Variants in DGKB observed in about 807,000 individuals in gnomAD.
DGKB encodes the protein 90 kDa diacylglycerol kinase.
DGKB carries 67 observed loss-of-function variants against 114.3 expected under a neutral mutation model. That is an observed-to-expected ratio of 0.59 (90% CI 0.48 to 0.72). The LOEUF is 0.72. Among genes scored for constraint, DGKB ranks in the 30% least tolerant of loss-of-function variants. The pLI, the probability that DGKB is intolerant of heterozygous loss-of-function variation, is 0.00. For missense variants in DGKB, 907 were observed against 975.2 expected, an observed-to-expected ratio of 0.93 and a Z score of 0.93; for synonymous variants, 398 against 323.1, an observed-to-expected ratio of 1.23 and a Z score of -2.49.
chr7:14,473,846 G>A (rs1017980712), intron 21 of DGKB, among the ~76,000 whole-genome samples: 1 of 152,170 alleles, frequency 6.6e-6, no homozygotes, highest in African/African-American at 2.4e-5. Context: ...TAGCCCCTTT[G>A]TTTTGGCCAA....
chr7:14,379,717 G>A (rs775438734), intron 21 of DGKB, among the ~76,000 whole-genome samples: 6 of 152,060 alleles, frequency 3.9e-5, no homozygotes, highest in African/African-American at 1.2e-4. Context: ...GTGCCACCAC[G>A]CCAGCTAATT....
At chr7:14,266,635 A>C (rs1331137121) in intron 23 of DGKB, among the ~76,000 whole-genome samples, 3 of 152,166 alleles carry the variant, frequency 2.0e-5, no homozygotes, top group African/African-American at 7.2e-5. Context: ...AACGTACCAA[A>C]ATACACCTAC....
chr7:14,217,780 G>T (rs887040311), intron 23 of DGKB, among the ~76,000 whole-genome samples: 3 of 152,006 alleles, frequency 2.0e-5, no homozygotes, highest in African/African-American at 7.2e-5. Context: ...TGGGCTTAAT[G>T]AATGTACCGG....
intron 23 of DGKB, among the ~76,000 whole-genome samples, chr7:14,198,566 G>A (rs946030894): frequency 6.6e-6 from 1 of 151,982 alleles, no homozygotes; most frequent in Non-Finnish European, 1.5e-5. Context: ...ACAATACCTT[G>A]ATCTTTCATA....
chr7:14,771,115 C>T (rs893524864), intron 2 of DGKB, among the ~76,000 whole-genome samples: 2 of 152,116 alleles, frequency 1.3e-5, no homozygotes, highest in African/African-American at 2.4e-5. Flanking sequence ...CCACCCCTGG[C>T]ACCTGGACCC....
chr7:14,666,941 A>G (rs1313068678), intron 13 of DGKB, among the ~76,000 whole-genome samples: 2 of 152,018 alleles, frequency 1.3e-5, no homozygotes, highest in African/African-American at 4.8e-5. Context: ...GATGTAGGGA[A>G]TCATTGTTTA....
intron 4 of DGKB, among the ~76,000 whole-genome samples, chr7:14,749,706 A>G (rs1409068742): frequency 6.6e-6 from 1 of 152,162 alleles, no homozygotes; most frequent in East Asian, 1.9e-4. Flanking sequence ...TGTCACTAGG[A>G]CAGGAGTGAG....
intron 20 of DGKB, among the ~76,000 whole-genome samples, chr7:14,564,927 C>T (rs2128681949): frequency 6.6e-6 from 1 of 152,150 alleles, no homozygotes; most frequent in East Asian, 1.9e-4. Context: ...TTTGAGCTCT[C>T]CCTATTAATC....
At chr7:14,656,188 A>G (rs1161390840) in intron 13 of DGKB, among the ~76,000 whole-genome samples, 5 of 151,674 alleles carry the variant, frequency 3.3e-5, no homozygotes, top group African/African-American at 1.2e-4. Flanking sequence ...AGTGAAGGAA[A>G]CAAAAAATGC....
At chr7:14,201,618 C>G (rs973356473) in intron 23 of DGKB, among the ~76,000 whole-genome samples, 5 of 151,776 alleles carry the variant, frequency 3.3e-5, no homozygotes, top group African/African-American at 1.2e-4. Context: ...AACTAAGATG[C>G]AAAATCCTGG....
At chr7:14,295,194 T>C (rs994990154) in intron 23 of DGKB, among the ~76,000 whole-genome samples, 1 of 152,294 alleles carries the variant, frequency 6.6e-6, no homozygotes, top group East Asian at 1.9e-4. Flanking sequence ...ATACAAAATA[T>C]GCAATTTTAC....
rs369778391 is a variant in DGKB, at chr7:14,668,965, A to G, written c.1134+3964T>C. On this transcript the variant is annotated intron_variant, in intron 13 of 25. Transcript: ENST00000402815. ...TGTGAGTAAAGAAATATATTCATCC[A>G]AGCCGACTGGAATTATATACTAAAT... Among the ~76,000 whole-genome samples, 9 of 151,940 alleles carry G rather than the reference A, an allele frequency of 5.9e-5. No individual in the cohort carries two copies. In the South Asian group the frequency reaches 1.2e-3, roughly 21 times the overall value.
intron 1 of DGKB, among the ~76,000 whole-genome samples, chr7:14,970,793 T>C (rs780265032): frequency 6.6e-6 from 1 of 152,100 alleles, no homozygotes; most frequent in Non-Finnish European, 1.5e-5. Flanking sequence ...CGTAGTATTC[T>C]TTGAATCTCT....
chr7:14,174,337 C>T (rs1562532657), intron 25 of DGKB, among the ~76,000 whole-genome samples: 1 of 152,148 alleles, frequency 6.6e-6, no homozygotes, highest in Non-Finnish European at 1.5e-5. Context: ...ATAAGGCTAA[C>T]CATATAATTT....
chr7:14,708,852 C>T, intron 6 of DGKB, among the ~76,000 whole-genome samples: 1 of 149,908 alleles, frequency 6.7e-6, no homozygotes, highest in Non-Finnish European at 1.5e-5. Flanking sequence ...GACCTAAAAC[C>T]ATAAAAACCC....
chr7:14,166,801 A>T (rs966176507), intron 25 of DGKB, among the ~76,000 whole-genome samples: 3 of 152,304 alleles, frequency 2.0e-5, no homozygotes, highest in Admixed American at 6.5e-5. Context: ...AAGCAGAACA[A>T]AAACTGGAAT....
At chr7:14,571,894 A>G (rs1418589772) in intron 20 of DGKB, among the ~76,000 whole-genome samples, 3 of 152,190 alleles carry the variant, frequency 2.0e-5, no homozygotes, top group Non-Finnish European at 2.9e-5. Flanking sequence ...CTCCACAGGT[A>G]AGTCACTAAA....
At chr7:14,803,360 G>A (rs181087432) in intron 2 of DGKB, among the ~76,000 whole-genome samples, 201 of 152,234 alleles carry the variant, frequency 1.3e-3, no homozygotes, top group African/African-American at 4.5e-3. Flanking sequence ...ATGCTTTTAT[G>A]TTTTAATCCT....
At chr7:14,747,834 T>C (rs1833576591) in intron 4 of DGKB, among the ~76,000 whole-genome samples, 1 of 151,460 alleles carries the variant, frequency 6.6e-6, no homozygotes, top group Non-Finnish European at 1.5e-5. Flanking sequence ...GCTTTCTCAT[T>C]TTTTTCCTTA....
Sources: gnomAD v4.1 joint callset for allele counts (sites outside exome capture counted in the v4.1 genomes callset) on GRCh38, gnomAD v4.1.1 for gene constraint, MANE v1.5 for transcripts, NCBI Gene and HGNC (gene_info 2026-07-23, HGNC 2026-07-21) for gene names.